The following KCNK10 variants were observed in gnomAD, a reference collection of about 807,000 sequenced individuals.
KCNK10 encodes the protein potassium channel subfamily K member 10.
Under a neutral mutation model 47.7 loss-of-function variants are expected in KCNK10, and 25 were observed. The ratio of observed to expected loss-of-function variants is 0.52; its 90% CI spans 0.38 to 0.73. The LOEUF (loss-of-function observed/expected upper bound fraction) is 0.73, where lower values mean the gene tolerates loss of function less well. Ranked by LOEUF, KCNK10 falls within the 30% of genes least tolerant of loss-of-function variation. The pLI is 0.00. For missense variants in KCNK10, 563 were observed against 714.5 expected, an observed-to-expected ratio of 0.79 and a Z score of 2.42; for synonymous variants, 303 against 285.6, an observed-to-expected ratio of 1.06 and a Z score of -0.61.
At chr14:88,290,380 C>T (rs1382831693) in intron 1 of KCNK10, among the ~76,000 whole-genome samples, 2 of 152,144 alleles carry the variant, frequency 1.3e-5, no homozygotes, top group East Asian at 3.9e-4. Context: ...ATATGACCCA[C>T]TTAGGAAGTC....
chr14:88,192,082 A>C, intron 5 of KCNK10, 142 bp downstream of exon 5: 1 of 742,376 alleles, frequency 1.3e-6, no homozygotes. Context: ...GGGATTTGAA[A>C]TGAGCCTCTT....
intron 4 of KCNK10, among the ~76,000 whole-genome samples, chr14:88,207,309 A>T (rs1367729580): frequency 6.6e-6 from 1 of 151,716 alleles, no homozygotes; most frequent in Non-Finnish European, 1.5e-5. Context: ...AGCAGCTGGG[A>T]CTACAGGGGC....
In KCNK10 at chr14:88,264,902, T is replaced by C. The variant is rs190113296; in HGVS notation, c.53-1351A>G. On this transcript the variant is annotated intron_variant, in intron 1 of 6. Transcript: ENST00000319231. ...CCTGTTGATGCCGAGAAGGTGAGCC[T>C]TGCCTAAGGTGGCTTTCTTTTACCA... Among the ~76,000 whole-genome samples, 826 of 152,332 alleles carry C rather than the reference T, an allele frequency of 5.4e-3. 5 individuals carry two copies. The highest frequency in any genetic ancestry group is 5.4e-3 in the Non-Finnish European group (364 of 68,030).
chr14:88,297,581 A>G (rs1888011878), intron 1 of KCNK10, among the ~76,000 whole-genome samples: 1 of 152,122 alleles, frequency 6.6e-6, no homozygotes, highest in African/African-American at 2.4e-5. Context: ...TTTCATTTGT[A>G]CCCTAAATTG....
At chr14:88,194,838 T>C (rs1337290710) in intron 4 of KCNK10, among the ~76,000 whole-genome samples, 3 of 152,180 alleles carry the variant, frequency 2.0e-5, no homozygotes, top group African/African-American at 7.2e-5. Flanking sequence ...CAGAGAATGT[T>C]TGGAGCATTT....
chr14:88,242,972 C>A (rs558924199), intron 2 of KCNK10, among the ~76,000 whole-genome samples: 2 of 152,202 alleles, frequency 1.3e-5, no homozygotes, highest in African/African-American at 4.8e-5. Context: ...TCAAGTCTCA[C>A]GGTGCTGAGA....
intron 1 of KCNK10, among the ~76,000 whole-genome samples, chr14:88,266,331 T>C (rs1211517359): frequency 6.6e-6 from 1 of 152,184 alleles, no homozygotes; most frequent in Admixed American, 6.5e-5. Context: ...TTCACACCTT[T>C]GCAGGTGTTG....
intron 1 of KCNK10, among the ~76,000 whole-genome samples, chr14:88,293,362 A>G (rs1175174171): frequency 6.6e-6 from 1 of 152,238 alleles, no homozygotes; most frequent in Non-Finnish European, 1.5e-5. Context: ...CCACAGAGCT[A>G]GAATAGCATA....
chr14:88,226,116 G>A (rs1205719001), intron 4 of KCNK10, among the ~76,000 whole-genome samples: 1 of 152,214 alleles, frequency 6.6e-6, no homozygotes, highest in Non-Finnish European at 1.5e-5. Context: ...TATATGACAA[G>A]CTCTTTTCCA....
chr14:88,258,705 G>A (rs1409365299), intron 2 of KCNK10, among the ~76,000 whole-genome samples: 1 of 152,166 alleles, frequency 6.6e-6, no homozygotes, highest in Admixed American at 6.5e-5. Context: ...CTAAATGAAT[G>A]GATGAGAATG....
At position 88,322,357 on chromosome 14, in the gene KCNK10, G is replaced by C. The variant is rs1169162615; in HGVS notation, c.52+390C>G. On this transcript the variant is annotated intron_variant, in intron 1 of 6. Transcript: ENST00000319231. The surrounding 1 kb of genome is among the most constrained non-coding windows in gnomAD (Gnocchi z 4.8). Reference sequence around the variant, plus strand: ...CATGCGGCGCAGCTCCAGGTCCAGGGGGAAGCACCCCACCCATCTGCCAGA... The same window carrying C: ...CATGCGGCGCAGCTCCAGGTCCAGGCGGAAGCACCCCACCCATCTGCCAGA... 1.3e-5 allele frequency among the ~76,000 whole-genome samples: 2 copies of C among 151,964 alleles called. No homozygotes were observed. Among genetic ancestry groups the C allele is most frequent in the Admixed American group, 6.6e-5 (1 of 15,262 alleles).
chr14:88,220,582 G>A (rs1259279732), intron 4 of KCNK10, among the ~76,000 whole-genome samples: 2 of 148,520 alleles, frequency 1.3e-5, no homozygotes, highest in African/African-American at 5.0e-5. Context: ...CTTTGACAAA[G>A]GAGCAAAGGC....
chr14:88,200,035 TTCTC>T (rs371233466), intron 4 of KCNK10, among the ~76,000 whole-genome samples: 3,039 of 151,844 alleles, frequency 0.02, 101 homozygotes, highest in African/African-American at 0.069. Flanking sequence ...CCTTCTTTCT[TTCTC>T]TCTTTCTTTC....
At chr14:88,233,740 C>A (rs1181537183) in intron 3 of KCNK10, among the ~76,000 whole-genome samples, 1 of 152,238 alleles carries the variant, frequency 6.6e-6, no homozygotes, top group African/African-American at 2.4e-5. Flanking sequence ...GATCAATAAA[C>A]ATAGTTGTTC....
At chr14:88,276,231 T>A (rs1398148037) in intron 1 of KCNK10, among the ~76,000 whole-genome samples, 2 of 136,622 alleles carry the variant, frequency 1.5e-5, no homozygotes, top group African/African-American at 3.5e-5. Flanking sequence ...GGCTGAGCCC[T>A]CATGAATTGG....
intron 1 of KCNK10, among the ~76,000 whole-genome samples, chr14:88,268,494 C>T (rs573539649): frequency 1.3e-5 from 2 of 152,256 alleles, no homozygotes; most frequent in South Asian, 2.1e-4. Flanking sequence ...AGAGAGAAGC[C>T]AGATTAAAAA....
intron 1 of KCNK10, among the ~76,000 whole-genome samples, chr14:88,319,020 G>T (rs1888486906): frequency 2.6e-5 from 4 of 152,140 alleles, no homozygotes. Flanking sequence ...TGATGCTGAT[G>T]ATTTAAAGTG....
At chr14:88,197,895 A>AGAGAGAGAGAGAGAGAGAGAG (rs1884974261) in intron 4 of KCNK10, among the ~76,000 whole-genome samples, 9 of 134,082 alleles carry the variant, frequency 6.7e-5, no homozygotes, top group African/African-American at 2.6e-4. Context: ...AGAGAGAGAG[A>AGAGAGAGAGAGAGAGAGAGAG]AGGGGAAAAA....
At chr14:88,242,588 C>A (rs147340063) in intron 2 of KCNK10, among the ~76,000 whole-genome samples, 36 of 152,276 alleles carry the variant, frequency 2.4e-4, no homozygotes, top group African/African-American at 8.2e-4. Context: ...TCTAGCAAAA[C>A]CTGGCACCCT....
Sources: gnomAD v4.1 joint callset for allele counts (sites outside exome capture counted in the v4.1 genomes callset) on GRCh38, gnomAD v4.1.1 for gene constraint, Gnocchi (gnomAD v3.1) non-coding constraint, MANE v1.5 for transcripts, NCBI Gene and HGNC (gene_info 2026-07-23, HGNC 2026-07-21) for gene names.